HERC5: variants seen among roughly 807,000 people sequenced by gnomAD.
HERC5 encodes the protein HECT and RLD domain containing E3 ubiquitin protein ligase 5, also known as E3 ISG15--protein ligase HERC5.
In HERC5, 99 loss-of-function variants were observed where a neutral mutation model predicts 119.6. The ratio of observed to expected loss-of-function variants is 0.83; its 90% CI spans 0.70 to 0.98. The LOEUF (loss-of-function observed/expected upper bound fraction) is 0.98, where lower values mean the gene tolerates loss of function less well. HERC5 is among the 50% of genes least tolerant of loss of function. The pLI is 0.00. For synonymous variants in HERC5, 478 were observed against 445.9 expected (o/e 1.07, Z -0.91); for missense variants, 1,267 against 1,241.3 (o/e 1.02, Z -0.31).
chr4:88,475,767 G>T, intron 11 of HERC5, 74 bp from the exon 12 acceptor site: 1 of 1,236,822 alleles, frequency 8.1e-7, no homozygotes, highest in Non-Finnish European at 1.2e-6. Context: ...TCTACACCTT[G>T]TTTTATTACC....
intron 1 of HERC5, chr4:88,458,067 T>G (rs1209333757): frequency 1.0e-6 from 1 of 985,594 alleles, no homozygotes; most frequent in African/African-American, 1.7e-5. Flanking sequence ...TGCGAGTTTA[T>G]TTTGCGTTTA....
chr4:88,473,091 G>A (rs1223121376), intron 11 of HERC5: 2 of 151,898 alleles, frequency 1.3e-5, no homozygotes, highest in African/African-American at 4.8e-5. Context: ...TTTGGAAACG[G>A]AGTCTCGCTT....
At chr4:88,497,041 G>A (rs1022553978) in intron 18 of HERC5, among the ~76,000 whole-genome samples, 2 of 152,130 alleles carry the variant, frequency 1.3e-5, no homozygotes, top group Non-Finnish European at 2.9e-5. Flanking sequence ...TTCAGACACC[G>A]AATCTGCTGG....
chr4:88,486,080 T>C, intron 13 of HERC5, 35 bp from the exon 14 acceptor site: 6 of 1,343,460 alleles, frequency 4.5e-6, no homozygotes, highest in Non-Finnish European at 6.3e-6. Flanking sequence ...TGTCTTTAAA[T>C]ATAAAACTTT....
chr4:88,473,830 C>A (rs1740957611), intron 11 of HERC5: 1 of 152,178 alleles, frequency 6.6e-6, no homozygotes, highest in Non-Finnish European at 1.5e-5. Context: ...ATCAGTTCAT[C>A]ATTAAGGGCT....
At chr4:88,467,613 A>G (rs554333629) in intron 7 of HERC5, among the ~76,000 whole-genome samples, 22 of 152,356 alleles carry the variant, frequency 1.4e-4, no homozygotes, top group African/African-American at 3.8e-4. Flanking sequence ...CTGGCACTGA[A>G]CTGTGCTCAG....
At chr4:88,465,834 G>A (rs1167590823) in intron 6 of HERC5, among the ~76,000 whole-genome samples, 1 of 152,210 alleles carries the variant, frequency 6.6e-6, no homozygotes, top group African/African-American at 2.4e-5. Flanking sequence ...GTATAGGAGG[G>A]CTGCAAATGC....
chr4:88,461,172 G>T (rs1249620594), intron 3 of HERC5, among the ~76,000 whole-genome samples: 1 of 152,154 alleles, frequency 6.6e-6, no homozygotes, highest in Non-Finnish European at 1.5e-5. Flanking sequence ...TCATTGCAAG[G>T]CCTGTTGAGA....
At chr4:88,489,126 G>A in intron 15 of HERC5, 40 bp from the exon 16 acceptor site, 2 of 1,552,734 alleles carry the variant, frequency 1.3e-6, no homozygotes, top group African/African-American at 1.4e-5. Flanking sequence ...GAGGGCCAAT[G>A]GTAAAATGAA....
At chr4:88,459,324 T>C in intron 1 of HERC5, 23 bp from the exon 2 acceptor site, 1 of 1,538,248 alleles carries the variant, frequency 6.5e-7, no homozygotes, top group Non-Finnish European at 8.7e-7. Context: ...TGACAATAGT[T>C]CCTGGTTGGA....
rs1560617819 is a variant in HERC5 at position 88,505,683 on chromosome 4, A to C, written c.2880A>C (p.Thr960=). ...TATTCTTCTTTTTAGTATTTCTTACAGGAACTGACAGACTACAAATGAAAG... is the reference window on the plus strand; with the variant it reads ...TATTCTTCTTTTTAGTATTTCTTACCGGAACTGACAGACTACAAATGAAAG... The part of the protein sequence containing the change: ...EEKKKFLVFL[T]GTDRLQMKDL... Residue 960 remains threonine, a synonymous_variant, in exon 23 of 23, where the codon ACA becomes ACC. Coordinates refer to ENST00000264350, the MANE Select transcript of HERC5 (RefSeq NM_016323.4). 1 of 1,541,114 alleles carries C rather than the reference A, an allele frequency of 6.5e-7. No homozygotes were observed. Among genetic ancestry groups the C allele is most frequent in the East Asian group, 2.2e-5 (1 of 44,554 alleles).
rs145957630 is a variant in HERC5, at chr4:88,498,198, A to G, written c.2445-1728A>G. ...GTTGAGGCAACTGCAGAGAGCCCCC[A>G]CTAAGGCAATGCCTAGTGGAGTCAT... On this transcript the variant is annotated intron_variant, in intron 18 of 22. Transcript: ENST00000264350. 2.8e-3 allele frequency among the ~76,000 whole-genome samples: 433 copies of G among 152,284 alleles called. 2 individuals are homozygous for G. Among genetic ancestry groups the G allele is most frequent in the Non-Finnish European group, 3.4e-3 (231 of 68,006 alleles).
At chr4:88,459,256 C>T in intron 1 of HERC5, 91 bp from the exon 2 acceptor site, 2 of 1,119,128 alleles carry the variant, frequency 1.8e-6, no homozygotes, top group East Asian at 5.7e-5. Context: ...TGAAATTTTT[C>T]CCAGATGTTT....
At chr4:88,493,237 T>A (rs1741701763) in intron 17 of HERC5, 82 bp downstream of exon 17, 1 of 1,175,800 alleles carries the variant, frequency 8.5e-7, no homozygotes. Flanking sequence ...TTGTCTAGAC[T>A]ATTTCATGTT....
chr4:88,501,227 C>G (rs532753314), intron 20 of HERC5, among the ~76,000 whole-genome samples: 9 of 152,274 alleles, frequency 5.9e-5, no homozygotes, highest in African/African-American at 2.2e-4. Flanking sequence ...AATTACAACA[C>G]CAACATCTGT....
intron 7 of HERC5, chr4:88,467,865 TG>T (rs1488439502): frequency 2.0e-6 from 2 of 984,280 alleles, no homozygotes; most frequent in Admixed American, 1.2e-4. Flanking sequence ...GAAAGCTTAG[TG>T]GTGACCTCAA....
rs551532465 is a variant in HERC5 at position 88,462,717 on chromosome 4, C to T, written c.688+361C>T. On this transcript the variant is annotated intron_variant, in intron 4 of 22. Transcript: ENST00000264350. ...CAAGTGACAAGTTTGGATGAGATGA[C>T]CTTTAAAGCCTTTGCACTTAAAGTC... is the stretch of plus-strand genomic sequence containing the variant. Among the ~76,000 whole-genome samples, 6 of 152,240 alleles carry T rather than the reference C, an allele frequency of 3.9e-5. No homozygotes were observed. The South Asian group carries it at 1.2e-3, about 32-fold the overall frequency.
At position 88,471,499 on chromosome 4, in the gene HERC5, T is replaced by C. The variant is rs142446290; in HGVS notation, c.1298+826T>C. On this transcript the variant is annotated intron_variant, in intron 10 of 22. Transcript: ENST00000264350. Reference sequence around the variant, plus strand: ...GGGACTACAGGCACGTGCCACCACCTCCTGCTAATTTTTTAGCTTTTGTAA... The same window carrying C: ...GGGACTACAGGCACGTGCCACCACCCCCTGCTAATTTTTTAGCTTTTGTAA... Among the ~76,000 whole-genome samples the C allele has an allele frequency of 1.4e-4, 21 of 151,658 alleles. No individual in the cohort carries two copies. In the East Asian group the frequency reaches 2.0e-3, roughly 14 times the overall value.
intron 16 of HERC5, among the ~76,000 whole-genome samples, chr4:88,492,057 G>C (rs1250968175): frequency 2.0e-5 from 3 of 152,070 alleles, no homozygotes; most frequent in Admixed American, 6.6e-5. Context: ...AGGCTGGAGA[G>C]CAGTGGTGCG....
Sources: allele counts gnomAD v4.1 joint callset (sites outside exome capture counted in the v4.1 genomes callset), GRCh38; gene constraint gnomAD v4.1.1; transcripts MANE v1.5; gene names NCBI Gene and HGNC (gene_info 2026-07-23, HGNC 2026-07-21).